The following BPTF variants were observed in gnomAD, a reference collection of about 807,000 sequenced individuals.
BPTF encodes the protein nucleosome-remodeling factor subunit BPTF.
BPTF carries 18 observed loss-of-function variants against 292.5 expected under a neutral mutation model. That is an observed-to-expected ratio of 0.06 (90% confidence interval 0.04 to 0.09). The LOEUF (loss-of-function observed/expected upper bound fraction) is 0.09. Ranked by LOEUF, BPTF falls within the 10% of genes least tolerant of loss-of-function variation. BPTF has a pLI of 1.00. For missense variants in BPTF, 2,726 were observed against 3,498.7 expected (o/e 0.78, Z 5.57); for synonymous variants, 1,225 against 1,251.9 (o/e 0.98, Z 0.45).
chr17:67,903,653 GT>G (rs1354785853), intron 7 of BPTF, 135 bp from the exon 8 acceptor site: 2 of 719,904 alleles, frequency 2.8e-6, no homozygotes, highest in African/African-American at 3.7e-5. Flanking sequence ...CTACAACTAA[GT>G]TTTGTCAGTT....
intron 4 of BPTF, among the ~76,000 whole-genome samples, chr17:67,876,991 T>C (rs1360527973): frequency 6.6e-6 from 1 of 152,066 alleles, no homozygotes; most frequent in African/African-American, 2.4e-5. Flanking sequence ...TTCAAAACCT[T>C]CCCATTTAAT....
Position 67,825,744 on chromosome 17 carries a change from G to A in BPTF, c.20G>A (p.Arg7Lys). Residue 7 changes from arginine (R) to lysine (K), a missense_variant, in exon 1 of 28, where the codon AGG becomes AAG. By Grantham distance (26) the Arg-to-Lys change is conservative. Transcript: ENST00000306378. The stretch of plus-strand genomic sequence containing the variant: ...TCCGACATGAGGGGCCGGCGGGGCA[G>A]GCCGCCCAAGCAGCCCGCGGCTCCC... MRGRRGRPPKQPAAPAA... is the reference protein window; with the variant it reads MRGRRGKPPKQPAAPAA... The A allele has an allele frequency of 9.6e-7, 1 of 1,043,378 alleles. No homozygotes were observed. Among genetic ancestry groups the A allele is most frequent in the Non-Finnish European group, 1.1e-6 (1 of 869,736 alleles). 64.6% of individuals were successfully genotyped at this position (1,043,378 alleles called of 1,614,324 possible). A position where few individuals can be genotyped will look rare whatever the true frequency, so the allele number is the denominator to read the frequency against.
chr17:67,952,316 G>T (rs1487430740), intron 23 of BPTF, among the ~76,000 whole-genome samples: 7 of 146,018 alleles, frequency 4.8e-5, no homozygotes, highest in Admixed American at 2.1e-4. Flanking sequence ...TCAGGCTGGA[G>T]CGTGTAGGGC....
At chr17:67,926,452 G>A (rs2063909756) in intron 15 of BPTF, among the ~76,000 whole-genome samples, 1 of 150,046 alleles carries the variant, frequency 6.7e-6, no homozygotes, top group Admixed American at 6.7e-5. Flanking sequence ...AGCCTCCCGA[G>A]TAACTGTGAC....
rs1555673970 is a variant in BPTF at position 67,945,430 on chromosome 17, G to T, written c.6722G>T (p.Ser2241Ile). 1 of 1,613,532 alleles carries T rather than the reference G, an allele frequency of 6.2e-7. No homozygotes were observed. Among genetic ancestry groups the T allele is most frequent in the African/African-American group, 1.3e-5 (1 of 74,862 alleles). ...ACAGGTACAGGTGAACAAAGGCAGA[G>T]TAAACTGTCACCCCAGATGCAGGTA... Reference protein sequence around the residue: ...TAAGTGEQRQSKLSPQMQVHQ... With the variant: ...TAAGTGEQRQIKLSPQMQVHQ... The change falls in exon 21 of 28, where the codon AGT becomes ATT. Residue 2241 changes from serine to isoleucine, a missense_variant. By Grantham distance (142) the Ser-to-Ile change is moderately radical (BLOSUM62 -2). Around this residue, in one of 22 missense-constraint regions of BPTF, gnomAD observed 570 missense variants for 633.5 expected, o/e 0.90. Transcript: ENST00000306378.
At position 67,944,284 on chromosome 17, in the gene BPTF, T is replaced by G; in HGVS notation, c.6612T>G (p.Gly2204=). ...QQLMQAAMPN[G]TVQRFLFTPL... ...TAATGCAAGCTGCAATGCCAAATGG[T>G]ACTGTTCAGCGATTCCTCTTTACCC... Residue 2204 remains glycine, a synonymous_variant, in exon 20 of 28, where the codon GGT becomes GGG. Transcript: ENST00000306378. 3 of 1,614,128 alleles carry G rather than the reference T, an allele frequency of 1.9e-6. No homozygotes were observed. Among genetic ancestry groups the G allele is most frequent in the South Asian group, 1.1e-5 (1 of 91,084 alleles).
At chr17:67,889,681 G>T (rs1034117339) in intron 4 of BPTF, among the ~76,000 whole-genome samples, 1 of 152,084 alleles carries the variant, frequency 6.6e-6, no homozygotes, top group Non-Finnish European at 1.5e-5. Context: ...GGTGGCGGGC[G>T]CCTGTAATCC....
At chr17:67,905,147 C>T (rs1315947125) in intron 9 of BPTF, among the ~76,000 whole-genome samples, 4 of 152,132 alleles carry the variant, frequency 2.6e-5, no homozygotes, top group Non-Finnish European at 5.9e-5. Context: ...CGGTGGTTCA[C>T]GCCTGTAATC....
Position 67,945,404 on chromosome 17 carries a change from T to TA in BPTF, c.6701-4dup. On this transcript the variant is annotated splice_polypyrimidine_tract_variant and splice_region_variant and intron_variant, in intron 20 of 27. Transcript: ENST00000306378. ...ATAGAAATGGTTCATCTTTCCTTTT[T>TA]ACAGGTACAGGTGAACAAAGGCAGA... The TA allele has an allele frequency of 6.2e-7, 1 of 1,603,024 alleles. No homozygotes were observed.
At chr17:67,844,568 T>C (rs1567884515) in intron 1 of BPTF, among the ~76,000 whole-genome samples, 1 of 149,414 alleles carries the variant, frequency 6.7e-6, no homozygotes, top group Non-Finnish European at 1.5e-5. Context: ...TCTTTTTTTT[T>C]TTTTGTATTT....
rs569137133 is a variant in BPTF, at chr17:67,874,982, A to G, written c.1826A>G (p.Lys609Arg). The stretch of plus-strand genomic sequence containing the variant: ...TCCCTTGAAAAAGACAGTGACGACA[A>G]AACACCAGATGATGACCCTGAGCAA... The part of the protein sequence containing the change: ...DQSLEKDSDD[K>R]TPDDDPEQGK... The change falls in exon 4 of 28, where the codon AAA becomes AGA. Residue 609 changes from lysine (K) to arginine (R), a missense_variant. Lys to Arg is a conservative substitution (Grantham distance 26). This residue lies in a region of BPTF where 187 missense variants were observed against 201.5 expected (regional missense o/e 0.93). Coordinates refer to ENST00000306378, the MANE Select transcript of BPTF (RefSeq NM_182641.4). 8 of 1,613,848 alleles carry G rather than the reference A, an allele frequency of 5.0e-6. No individual in the cohort carries two copies. In the African/African-American group the frequency reaches 8.0e-5, roughly 16 times the overall value.
intron 11 of BPTF, among the ~76,000 whole-genome samples, chr17:67,914,332 T>G (rs1233903567): frequency 6.6e-6 from 1 of 152,230 alleles, no homozygotes; most frequent in African/African-American, 2.4e-5. Context: ...TTTGACCAAG[T>G]TTTTTATAAC....
chr17:67,940,072 A>C (rs1555671152), intron 18 of BPTF, among the ~76,000 whole-genome samples: 2 of 149,936 alleles, frequency 1.3e-5, no homozygotes, highest in Non-Finnish European at 3.0e-5. Flanking sequence ...TTATTAAATT[A>C]GCACTTATTT....
chr17:67,933,639 T>C (rs1400277270), intron 18 of BPTF, among the ~76,000 whole-genome samples: 7 of 152,042 alleles, frequency 4.6e-5, no homozygotes, highest in African/African-American at 1.7e-4. Context: ...TTAAGTAACA[T>C]GTCATATTAA....
intron 20 of BPTF, among the ~76,000 whole-genome samples, chr17:67,944,798 A>G (rs1351799896): frequency 1.3e-5 from 2 of 152,084 alleles, no homozygotes; most frequent in Non-Finnish European, 2.9e-5. Flanking sequence ...CTACCACCAC[A>G]TCATGGGAGA....
chr17:67,951,203 C>G (rs1447558078), intron 23 of BPTF: 1 of 152,142 alleles, frequency 6.6e-6, no homozygotes, highest in Non-Finnish European at 1.5e-5. Context: ...CTCTCTCTCT[C>G]TCTCTTTTTC....
At chr17:67,915,577 C>T (rs770160887) in intron 11 of BPTF, among the ~76,000 whole-genome samples, 1 of 152,182 alleles carries the variant, frequency 6.6e-6, no homozygotes, top group Non-Finnish European at 1.5e-5. Context: ...CTCTACACCC[C>T]TTCCCTCCAG....
At chr17:67,869,257 T>C (rs2059565896) in intron 3 of BPTF, among the ~76,000 whole-genome samples, 1 of 152,144 alleles carries the variant, frequency 6.6e-6, no homozygotes, top group African/African-American at 2.4e-5. Context: ...TACATTGAAT[T>C]AAAATATTTT....
intron 3 of BPTF, among the ~76,000 whole-genome samples, chr17:67,867,634 C>T (rs1433039280): frequency 3.3e-5 from 5 of 152,068 alleles, no homozygotes; most frequent in African/African-American, 1.2e-4. Context: ...TCAGACTTTC[C>T]TTGTTTTTGA....
Sources: allele counts gnomAD v4.1 joint callset (sites outside exome capture counted in the v4.1 genomes callset), GRCh38; gene constraint gnomAD v4.1.1; regional missense constraint gnomAD v4.1.1; transcripts MANE v1.5; gene names NCBI Gene and HGNC (gene_info 2026-07-23, HGNC 2026-07-21).